Variants in PCDH7 observed in about 807,000 individuals in gnomAD.
PCDH7 encodes the protein protocadherin-7.
In PCDH7, 17 loss-of-function variants were observed where a neutral mutation model predicts 58.9. That is an observed-to-expected ratio of 0.29 (90% CI 0.20 to 0.43). PCDH7 has a LOEUF of 0.43. PCDH7 is among the 20% of genes least tolerant of loss of function. The pLI, the probability that PCDH7 is intolerant of heterozygous loss-of-function variation, is 1.00. For synonymous variants in PCDH7, 664 were observed against 616.4 expected (o/e 1.08, Z -1.14); for missense variants, 1,274 against 1,441.0 (o/e 0.88, Z 1.88).
intron 1 of PCDH7, among the ~76,000 whole-genome samples, chr4:30,790,326 A>G (rs1214757523): frequency 1.3e-5 from 2 of 152,196 alleles, no homozygotes; most frequent in Non-Finnish European, 2.9e-5. Context: ...AGATGAGGAA[A>G]ATGAGATACA....
At chr4:31,035,501 G>A (rs1031911863) in intron 3 of PCDH7, among the ~76,000 whole-genome samples, 5 of 152,058 alleles carry the variant, frequency 3.3e-5, no homozygotes, top group African/African-American at 7.2e-5. Flanking sequence ...TGATTCACTC[G>A]CCTCAGCCTC....
intron 1 of PCDH7, among the ~76,000 whole-genome samples, chr4:30,824,108 TTTC>T (rs949539084): frequency 2.2e-5 from 3 of 138,866 alleles, no homozygotes. Context: ...TCTTTCTTTC[TTTC>T]TTTCTTTCTT....
chr4:30,935,304 A>G, intron 2 of PCDH7: 2 of 966,900 alleles, frequency 2.1e-6, no homozygotes, highest in Non-Finnish European at 2.5e-6. Context: ...TTATTTTCTT[A>G]CCTCCAGAAA....
intron 3 of PCDH7, among the ~76,000 whole-genome samples, chr4:31,115,701 G>C (rs192880569): frequency 1.3e-5 from 2 of 152,190 alleles, no homozygotes; most frequent in Admixed American, 6.5e-5. Flanking sequence ...CGTATTCTGT[G>C]CTTTCCCTCT....
chr4:30,975,304 T>C (rs951251408), intron 3 of PCDH7, among the ~76,000 whole-genome samples: 1 of 152,090 alleles, frequency 6.6e-6, no homozygotes, highest in Non-Finnish European at 1.5e-5. Context: ...AAAAATATTT[T>C]CAGAGAGGAC....
At chr4:30,741,138 A>G (rs2166718) in intron 1 of PCDH7, among the ~76,000 whole-genome samples, 2 of 151,994 alleles carry the variant, frequency 1.3e-5, no homozygotes, top group Admixed American at 6.5e-5. Context: ...CTGAGTTGAT[A>G]TATCATTAGA....
chr4:31,057,547 A>C (rs564644450), intron 3 of PCDH7, among the ~76,000 whole-genome samples: 16 of 152,310 alleles, frequency 1.1e-4, no homozygotes, highest in African/African-American at 3.6e-4. Flanking sequence ...TAGCTATGGG[A>C]ATCCAATTCT....
intron 1 of PCDH7, among the ~76,000 whole-genome samples, chr4:30,824,122 TC>T (rs1470014546): frequency 2.7e-5 from 4 of 146,578 alleles, no homozygotes; most frequent in African/African-American, 1.0e-4. Context: ...TTTCTTTCTT[TC>T]TTTCTTTCTT....
intron 1 of PCDH7, among the ~76,000 whole-genome samples, chr4:30,799,083 C>T (rs116394617): frequency 0.018 from 2,731 of 152,248 alleles, 82 homozygotes; most frequent in African/African-American, 0.062. Context: ...TCATCAATAT[C>T]GGAGACATAG....
chr4:31,118,045 C>T (rs1360281068), intron 3 of PCDH7, among the ~76,000 whole-genome samples: 3 of 152,168 alleles, frequency 2.0e-5, no homozygotes, highest in African/African-American at 7.2e-5. Context: ...CCTAGATTCT[C>T]CCACCTTGAA....
At chr4:31,087,742 G>A (rs1343440029) in intron 3 of PCDH7, among the ~76,000 whole-genome samples, 4 of 151,980 alleles carry the variant, frequency 2.6e-5, no homozygotes, top group Non-Finnish European at 4.4e-5. Context: ...TCATCTTGTC[G>A]CCGTTTTTGC....
intron 3 of PCDH7, among the ~76,000 whole-genome samples, chr4:31,136,604 C>T (rs1719631758): frequency 6.6e-6 from 1 of 152,080 alleles, no homozygotes. Context: ...TTTTTGTGGC[C>T]AGAGTGACAC....
intron 3 of PCDH7, among the ~76,000 whole-genome samples, chr4:31,053,936 A>G (rs1351259690): frequency 6.6e-6 from 1 of 152,164 alleles, no homozygotes. Flanking sequence ...CAATGATAAT[A>G]CATACACCTG....
chr4:30,845,257 T>A (rs1433484220), intron 1 of PCDH7, among the ~76,000 whole-genome samples: 1 of 152,068 alleles, frequency 6.6e-6, no homozygotes, highest in East Asian at 1.9e-4. Flanking sequence ...TAACAGGAGG[T>A]TTTAGCCTTT....
intron 3 of PCDH7, among the ~76,000 whole-genome samples, chr4:30,955,239 A>C (rs1747729570): frequency 6.6e-6 from 1 of 152,110 alleles, no homozygotes; most frequent in Admixed American, 6.5e-5. Flanking sequence ...TTAGATACTT[A>C]GAATACTTTA....
At chr4:30,812,535 CAGTGAAT>C (rs1481396006) in intron 1 of PCDH7, among the ~76,000 whole-genome samples, 1 of 152,040 alleles carries the variant, frequency 6.6e-6, no homozygotes, top group Non-Finnish European at 1.5e-5. Context: ...CCAAATTCAA[CAGTGAAT>C]AGTAATACAA....
At chr4:31,008,709 C>A (rs1445341548) in intron 3 of PCDH7, among the ~76,000 whole-genome samples, 2 of 152,062 alleles carry the variant, frequency 1.3e-5, no homozygotes, top group African/African-American at 4.8e-5. Flanking sequence ...TATTCTAACT[C>A]CTATACCCAC....
In PCDH7 at chr4:30,739,161, T is replaced by TTTATATATAAAA. The variant is rs1491502485; in HGVS notation, c.70+14565_70+14566insTTATATATAAAA. On this transcript the variant is annotated intron_variant, in intron 1 of 3. Transcript: ENST00000509759. ...AAATATATATATTTTATATATATAT[T>TTTATATATAAAA]ATATATATATATCTGTGTTCCAGTG... Among the ~76,000 whole-genome samples, 7 of 135,618 alleles carry TTTATATATAAAA rather than the reference T, an allele frequency of 5.2e-5. No individual in the cohort carries two copies. The East Asian group carries it at 9.5e-4, about 18-fold the overall frequency. The allele number at this position is 135,618 out of a possible 152,430, so 89.0% of individuals were successfully genotyped here. A position where few individuals can be genotyped will look rare whatever the true frequency, so the allele number is the denominator to read the frequency against.
intron 1 of PCDH7, among the ~76,000 whole-genome samples, chr4:30,750,211 A>G (rs528971051): frequency 5.3e-5 from 8 of 152,258 alleles, no homozygotes; most frequent in African/African-American, 1.9e-4. Context: ...AGAAGTTAAT[A>G]GATTATGAAA....
Sources: allele counts gnomAD v4.1 joint callset (sites outside exome capture counted in the v4.1 genomes callset), GRCh38; gene constraint gnomAD v4.1.1; transcripts MANE v1.5; gene names NCBI Gene and HGNC (gene_info 2026-07-23, HGNC 2026-07-21).